The following POPDC3 variants were observed in gnomAD, a reference collection of about 807,000 sequenced individuals.
The protein encoded by POPDC3 is popeye domain-containing protein 3.
A neutral mutation model predicts 28.2 loss-of-function variants in POPDC3; 20 were observed. That is an observed-to-expected ratio of 0.71 (90% CI 0.50 to 1.03). The LOEUF (loss-of-function observed/expected upper bound fraction) is 1.03, where lower values mean the gene tolerates loss of function less well. POPDC3 is among the 50% of genes least tolerant of loss of function. The probability of loss-of-function intolerance (pLI) is 0.00; values close to 1 mark genes in which losing one functional copy is unlikely to be tolerated. For synonymous variants in POPDC3, 118 were observed against 124.1 expected, an observed-to-expected ratio of 0.95 and a Z score of 0.33; for missense variants, 316 against 345.9, an observed-to-expected ratio of 0.91 and a Z score of 0.69.
intron 2 of POPDC3, among the ~76,000 whole-genome samples, chr6:105,160,654 G>A (rs143428139): frequency 2.0e-5 from 3 of 151,908 alleles, no homozygotes; most frequent in East Asian, 3.9e-4. Context: ...GTGTAGTGGC[G>A]CGATCTCAGC....
At chr6:105,170,660 A>C (rs986439438) in intron 1 of POPDC3, among the ~76,000 whole-genome samples, 1 of 152,238 alleles carries the variant, frequency 6.6e-6, no homozygotes, top group Non-Finnish European at 1.5e-5. Context: ...AACTAGAGTC[A>C]ATTCCACTGT....
chr6:105,168,185 G>A (rs993115184), intron 1 of POPDC3, among the ~76,000 whole-genome samples: 1 of 152,176 alleles, frequency 6.6e-6, no homozygotes, highest in Admixed American at 6.5e-5. Flanking sequence ...ACAGCACTTG[G>A]CTCCTTTATC....
chr6:105,176,327 A>G (rs1000231969), intron 1 of POPDC3, among the ~76,000 whole-genome samples: 2 of 152,184 alleles, frequency 1.3e-5, no homozygotes, highest in African/African-American at 4.8e-5. Flanking sequence ...TCGATTGGCT[A>G]CAGCTCTGCA....
chr6:105,177,277 T>C (rs1036816964), intron 1 of POPDC3, among the ~76,000 whole-genome samples: 3 of 152,120 alleles, frequency 2.0e-5, no homozygotes, highest in Non-Finnish European at 4.4e-5. Context: ...CAATGTAAAA[T>C]GAAACAGACA....
At chr6:105,178,563 GACACACACACACACACAC>G (rs56060844) in intron 1 of POPDC3, 1,741 of 153,056 alleles carry the variant, frequency 0.011, 17 homozygotes, top group Middle Eastern at 0.033. Flanking sequence ...AACTCCTGAA[GACACACACACACACACAC>G]ACACACACAC....
At chr6:105,179,022 C>T in intron 1 of POPDC3, 2 of 985,374 alleles carry the variant, frequency 2.0e-6, no homozygotes, top group East Asian at 1.1e-4. Flanking sequence ...TTCTACTTTT[C>T]CATTTATTAT....
chr6:105,172,892 G>C lies in POPDC3; in HGVS notation c.-252+6941C>G, dbSNP rs534865582. On this transcript the variant is annotated intron_variant, in intron 1 of 3. Transcript: ENST00000254765. ...CACACACTGGGGCCTGTTGTGGGGT[G>C]GGGGGAGGGGGGAGGGATAGCATTA... 5.9e-5 allele frequency among the ~76,000 whole-genome samples: 7 copies of C among 118,108 alleles called. No homozygotes were observed. In the South Asian group the frequency reaches 2.4e-3, roughly 41 times the overall value. 77.5% of individuals were successfully genotyped at this position (118,108 alleles called of 152,430 possible).
At chr6:105,177,286 C>T (rs1464588741) in intron 1 of POPDC3, among the ~76,000 whole-genome samples, 1 of 151,814 alleles carries the variant, frequency 6.6e-6, no homozygotes, top group Non-Finnish European at 1.5e-5. Context: ...ATGAAACAGA[C>T]AATGTAAAAT....
intron 1 of POPDC3, among the ~76,000 whole-genome samples, chr6:105,162,600 C>T (rs575298404): frequency 6.6e-6 from 1 of 152,282 alleles, no homozygotes; most frequent in Admixed American, 6.5e-5. Flanking sequence ...GGCGTGGTGG[C>T]GTGCGCCTGG....
chr6:105,169,250 G>A (rs1057029370), intron 1 of POPDC3: 9 of 152,110 alleles, frequency 5.9e-5, no homozygotes, highest in African/African-American at 1.7e-4. Context: ...CTCAATCCTT[G>A]CTAGATTTAA....
chr6:105,169,680 G>C (rs574072109), intron 1 of POPDC3: 1 of 152,146 alleles, frequency 6.6e-6, no homozygotes, highest in Non-Finnish European at 1.5e-5. Flanking sequence ...CATTGGGAAG[G>C]CAATATCCAG....
chr6:105,178,563 GACACACACACACACAC>G (rs56060844), intron 1 of POPDC3: 4,228 of 153,006 alleles, frequency 0.028, 76 homozygotes, highest in Non-Finnish European at 0.031. Flanking sequence ...AACTCCTGAA[GACACACACACACACAC>G]ACACACACAC....
chr6:105,158,387 C>G lies in POPDC3; in HGVS notation c.*83G>C. 3 of 1,179,406 alleles carry G rather than the reference C, an allele frequency of 2.5e-6. No homozygotes were observed. Among genetic ancestry groups the G allele is most frequent in the Non-Finnish European group, 3.5e-6 (3 of 849,288 alleles). 73.1% of individuals were successfully genotyped at this position (1,179,406 alleles called of 1,614,324 possible). On this transcript the variant is annotated 3_prime_UTR_variant, in exon 4 of 4. Transcript: ENST00000254765. Reference sequence around the variant, plus strand: ...TTTGATTTATAAAAACATTAGGGAGCTCTTTTTTTGTATTTTGCTATTTCA... The same window carrying G: ...TTTGATTTATAAAAACATTAGGGAGGTCTTTTTTTGTATTTTGCTATTTCA...
At chr6:105,159,999 C>T (rs1183639832) in intron 2 of POPDC3, 180 bp from the exon 3 acceptor site, 5 of 478,314 alleles carry the variant, frequency 1.0e-5, no homozygotes, top group Non-Finnish European at 1.5e-5. Flanking sequence ...CTGTAAGATT[C>T]ATGTTATCAT....
At chr6:105,175,123 C>A (rs1774657562) in intron 1 of POPDC3, among the ~76,000 whole-genome samples, 1 of 151,736 alleles carries the variant, frequency 6.6e-6, no homozygotes, top group Admixed American at 6.6e-5. Flanking sequence ...GCCAACAATG[C>A]TCCACTGCAC....
intron 1 of POPDC3, among the ~76,000 whole-genome samples, chr6:105,167,333 A>C (rs1774478195): frequency 6.6e-6 from 1 of 152,226 alleles, no homozygotes. Context: ...AAAGGGAGAG[A>C]GATTTAGCAG....
chr6:105,167,670 C>T (rs1468342985), intron 1 of POPDC3, among the ~76,000 whole-genome samples: 1 of 150,706 alleles, frequency 6.6e-6, no homozygotes, highest in Admixed American at 6.6e-5. Context: ...TTGCTTGAAC[C>T]TGGGAGGCAG....
At chr6:105,170,702 A>G (rs1372185139) in intron 1 of POPDC3, among the ~76,000 whole-genome samples, 2 of 152,240 alleles carry the variant, frequency 1.3e-5, no homozygotes, top group African/African-American at 4.8e-5. Flanking sequence ...CTAAACAGTC[A>G]CTGCACTATA....
At chr6:105,160,718 G>A (rs1014984953) in intron 2 of POPDC3, among the ~76,000 whole-genome samples, 6 of 151,972 alleles carry the variant, frequency 3.9e-5, no homozygotes, top group Non-Finnish European at 7.4e-5. Context: ...TCAGCCTCCC[G>A]AGTAGCTGGG....
Sources: gnomAD v4.1 joint callset for allele counts (sites outside exome capture counted in the v4.1 genomes callset) on GRCh38, gnomAD v4.1.1 for gene constraint, MANE v1.5 for transcripts, NCBI Gene and HGNC (gene_info 2026-07-23, HGNC 2026-07-21) for gene names.